The following RUNX1T1 variants were observed in gnomAD, a reference collection of about 807,000 sequenced individuals.
RUNX1T1 encodes protein CBFA2T1.
A neutral mutation model predicts 62.8 loss-of-function variants in RUNX1T1; 4 were observed. That is an observed-to-expected ratio of 0.06 (90% CI 0.03 to 0.15). RUNX1T1 has a LOEUF of 0.15. RUNX1T1 is among the 10% of genes least tolerant of loss of function. The pLI is 1.00. For missense variants in RUNX1T1, 508 were observed against 754.3 expected, an observed-to-expected ratio of 0.67 and a Z score of 3.82; for synonymous variants, 291 against 286.0, an observed-to-expected ratio of 1.02 and a Z score of -0.18.
intron 8 of RUNX1T1, chr8:91,977,370 T>A (rs942462873): frequency 1.0e-5 from 2 of 193,952 alleles, no homozygotes; most frequent in Non-Finnish European, 2.1e-5. Flanking sequence ...TATCTATGCA[T>A]TCTCCTGTGT....
intron 1 of RUNX1T1, among the ~76,000 whole-genome samples, chr8:92,055,524 C>T (rs1184156051): frequency 6.6e-6 from 1 of 152,130 alleles, no homozygotes; most frequent in Non-Finnish European, 1.5e-5. Context: ...TCACTGCAAA[C>T]TTGAACTTCT....
chr8:91,975,205 C>G (rs1813660300), intron 9 of RUNX1T1, among the ~76,000 whole-genome samples: 1 of 152,186 alleles, frequency 6.6e-6, no homozygotes, highest in Non-Finnish European at 1.5e-5. Flanking sequence ...CCAAAATTCT[C>G]ACAGATCTGG....
exon 11 of RUNX1T1, chr8:91,959,408 TTACTTGTG>T (rs1809872871): frequency 4.7e-6 from 1 of 210,750 alleles, no homozygotes; most frequent in Non-Finnish European, 9.3e-6. Context: ...GCTGAGTCTC[TTACTTGTG>T]TGTGTGTGTG....
intron 1 of RUNX1T1, among the ~76,000 whole-genome samples, chr8:92,042,060 A>G (rs1828573770): frequency 6.6e-6 from 1 of 151,512 alleles, no homozygotes; most frequent in African/African-American, 2.4e-5. Context: ...TGACCTCAAG[A>G]GGTCCACCTG....
chr8:92,002,977 T>C (rs1157432706), intron 5 of RUNX1T1, among the ~76,000 whole-genome samples: 2 of 152,156 alleles, frequency 1.3e-5, no homozygotes, highest in Non-Finnish European at 2.9e-5. Context: ...TACAAATGTA[T>C]TTACACAACA....
chr8:92,049,849 G>A (rs926533259), intron 1 of RUNX1T1, among the ~76,000 whole-genome samples: 1 of 152,106 alleles, frequency 6.6e-6, no homozygotes, highest in Non-Finnish European at 1.5e-5. Context: ...ATAGTTGAAG[G>A]ACTGTTCTTG....
Position 92,095,076 on chromosome 8 carries a change from G to A in RUNX1T1, c.-86+4504C>T, listed in dbSNP as rs1480775033. ...CAGAGGTGATGGGAGATAGCGTCAA[G>A]GCCAGGGGTAGATGCCTCCTCCTCA... On this transcript the variant is annotated intron_variant, in intron 1 of 11. Transcript: ENST00000265814. 1 of 1,535,542 alleles carries A rather than the reference G, an allele frequency of 6.5e-7. No individual in the cohort carries two copies. Among genetic ancestry groups the A allele is most frequent in the African/African-American group, 1.4e-5 (1 of 73,026 alleles).
upstream of RUNX1T1, among the ~76,000 whole-genome samples, chr8:92,066,756 C>T (rs2130675213): frequency 6.6e-6 from 1 of 152,230 alleles, no homozygotes; most frequent in South Asian, 2.1e-4. Flanking sequence ...CAAAAAAACA[C>T]AAATGGTTTA....
At chr8:92,075,392 C>T (rs531022961) in intron 2 of RUNX1T1, among the ~76,000 whole-genome samples, 2 of 152,342 alleles carry the variant, frequency 1.3e-5, no homozygotes, top group East Asian at 1.9e-4. Context: ...AATGGCAATA[C>T]ATTTAGTTTA....
intron 1 of RUNX1T1, among the ~76,000 whole-genome samples, chr8:92,084,978 T>C (rs188830850): frequency 2.0e-5 from 3 of 152,324 alleles, no homozygotes; most frequent in Admixed American, 1.3e-4. Flanking sequence ...AACAGTTCCA[T>C]AGCCATCAAG....
At chr8:91,971,113 C>A in intron 9 of RUNX1T1, 1 of 355,410 alleles carries the variant, frequency 2.8e-6, no homozygotes, top group Non-Finnish European at 5.0e-6. Flanking sequence ...GCAGTTCCAG[C>A]AGTCTAAAAA....
intron 1 of RUNX1T1, among the ~76,000 whole-genome samples, chr8:92,053,929 A>T (rs932911220): frequency 1.3e-5 from 2 of 152,144 alleles, no homozygotes; most frequent in East Asian, 3.9e-4. Context: ...TGTCTATTTT[A>T]AACAGTGAAG....
chr8:92,026,982 GGC>G (rs1254763825), intron 1 of RUNX1T1, among the ~76,000 whole-genome samples: 1 of 150,834 alleles, frequency 6.6e-6, no homozygotes, highest in Non-Finnish European at 1.5e-5. Flanking sequence ...CGGGCATGGT[GGC>G]GCGCGCCTGT....
At chr8:92,046,392 C>T (rs1271196601) in intron 1 of RUNX1T1, among the ~76,000 whole-genome samples, 1 of 152,146 alleles carries the variant, frequency 6.6e-6, no homozygotes, top group Non-Finnish European at 1.5e-5. Flanking sequence ...CAAAATCTCA[C>T]TATGTCACCC....
intron 5 of RUNX1T1, chr8:92,004,772 G>C (rs940042439): frequency 3.7e-5 from 7 of 187,760 alleles, no homozygotes; most frequent in Non-Finnish European, 6.5e-5. Flanking sequence ...AAAATATGTG[G>C]TTGGGTTAAA....
upstream of RUNX1T1, among the ~76,000 whole-genome samples, chr8:92,102,559 C>CG (rs539741239): frequency 1.4e-3 from 216 of 152,104 alleles, no homozygotes; most frequent in African/African-American, 5.0e-3. The surrounding 1 kb of genome is among the most constrained non-coding windows in gnomAD (Gnocchi z 4.5). Context: ...GCTCGCATAC[C>CG]GTGACTATGG....
chr8:92,089,925 TAAAAAAAAAAA>T (rs36052605), intron 1 of RUNX1T1, among the ~76,000 whole-genome samples: 2 of 80,162 alleles, frequency 2.5e-5, no homozygotes, highest in Non-Finnish European at 4.6e-5. Flanking sequence ...TCCCTGAATT[TAAAAAAAAAAA>T]AAAAAAAAAA....
chr8:92,008,448 G>A (rs2131066389), intron 4 of RUNX1T1, among the ~76,000 whole-genome samples: 1 of 148,792 alleles, frequency 6.7e-6, no homozygotes, highest in African/African-American at 2.5e-5. Flanking sequence ...GTGCCATTCT[G>A]TATTAAATAG....
chr8:92,030,310 T>C (rs186509349), intron 1 of RUNX1T1, among the ~76,000 whole-genome samples: 9 of 152,218 alleles, frequency 5.9e-5, no homozygotes, highest in Admixed American at 1.3e-4. Context: ...TGCCAGAGAG[T>C]AGTGTCCCAT....
Sources: gnomAD v4.1 joint callset for allele counts (sites outside exome capture counted in the v4.1 genomes callset) on GRCh38, gnomAD v4.1.1 for gene constraint, Gnocchi (gnomAD v3.1) non-coding constraint, MANE v1.5 for transcripts, NCBI Gene and HGNC (gene_info 2026-07-23, HGNC 2026-07-21) for gene names.